Variants in DSP observed in about 807,000 individuals in gnomAD.
DSP encodes the protein 250/210 kDa paraneoplastic pemphigus antigen.
A neutral mutation model predicts 290.6 loss-of-function variants in DSP; 114 were observed. That is an observed-to-expected ratio of 0.39 (90% CI 0.34 to 0.46). DSP has a LOEUF of 0.46. Ranked by LOEUF, DSP falls within the 20% of genes least tolerant of loss-of-function variation. The pLI is 0.99. For synonymous variants in DSP, 1,311 were observed against 1,316.4 expected, an observed-to-expected ratio of 1.00 and a Z score of 0.09; for missense variants, 3,230 against 3,495.8, an observed-to-expected ratio of 0.92 and a Z score of 1.92.
At chr6:7,562,492 ATTAGCCAT>A in intron 4 of DSP, 152 bp from the exon 5 acceptor site, 1 of 1,267,946 alleles carries the variant, frequency 7.9e-7, no homozygotes, top group South Asian at 1.2e-5. Flanking sequence ...GCAACCCTGC[ATTAGCCAT>A]TTGGGAACCT....
intron 1 of DSP, among the ~76,000 whole-genome samples, chr6:7,545,154 T>C (rs956304137): frequency 9.2e-5 from 14 of 152,240 alleles, no homozygotes; most frequent in African/African-American, 3.4e-4. Context: ...GTGGTTATAA[T>C]ATTAATGCTT....
intron 4 of DSP, 109 bp downstream of exon 4, chr6:7,559,509 G>A: frequency 7.3e-7 from 1 of 1,366,930 alleles, no homozygotes; most frequent in Admixed American, 1.9e-5. Flanking sequence ...TCAGGTGGCG[G>A]CAGCAGCTTG....
intron 12 of DSP, 81 bp downstream of exon 12, chr6:7,569,421 A>C: frequency 1.3e-6 from 2 of 1,596,582 alleles, no homozygotes; most frequent in Non-Finnish European, 1.7e-6. Flanking sequence ...TTATACCTGA[A>C]GCTTAGACAC....
In DSP at chr6:7,583,714, G is replaced by C; in HGVS notation, c.6452G>C (p.Arg2151Pro). The C allele has an allele frequency of 6.2e-7, 1 of 1,614,004 alleles. No individual in the cohort carries two copies. Among genetic ancestry groups the C allele is most frequent in the Non-Finnish European group, 8.5e-7 (1 of 1,180,012 alleles). The change falls in exon 24 of 24, where the codon CGG becomes CCG. Residue 2151 changes from arginine to proline, a missense_variant. This residue lies in a region of DSP where 1,714 missense variants were observed against 1,844.5 expected (regional missense o/e 0.93). Coordinates refer to ENST00000379802, the MANE Select transcript of DSP (RefSeq NM_004415.4). The surrounding 1 kb of genome is among the most constrained non-coding windows in gnomAD (Gnocchi z 4.0). ...VFLPKDVALA[R>P]GLIDRDLYRS... The stretch of plus-strand genomic sequence containing the variant: ...TTGCCAAAAGATGTCGCCTTGGCCC[G>C]GGGGCTGATTGATAGAGATTTGTAT...
chr6:7,570,486 A>G lies in DSP; in HGVS notation c.1624A>G (p.Ile542Val), dbSNP rs2113677376. ...AILALWNQLY[I>V]NMKSLVSWHY... is the part of the protein sequence containing the mutation. ...CTTGGCTCTGTGGAACCAGCTCTAC[A>G]TCAACATGAAGAGCCTGGTGTCCTG... The change falls in exon 13 of 24, where the codon ATC becomes GTC. Residue 542 changes from isoleucine to valine, a missense_variant. By Grantham distance (29) the Ile-to-Val change is conservative (BLOSUM62 3). Coordinates refer to ENST00000379802, the MANE Select transcript of DSP (RefSeq NM_004415.4). 4 of 1,614,126 alleles carry G rather than the reference A, an allele frequency of 2.5e-6. No individual in the cohort carries two copies. The South Asian group carries it at 3.3e-5, about 13-fold the overall frequency.
chr6:7,551,744 C>T (rs1197865939), intron 1 of DSP, among the ~76,000 whole-genome samples: 1 of 152,126 alleles, frequency 6.6e-6, no homozygotes, highest in Non-Finnish European at 1.5e-5. Context: ...CCCGATGGGT[C>T]GAAATCATTT....
intron 5 of DSP, among the ~76,000 whole-genome samples, chr6:7,563,015 T>G (rs1424869828): frequency 2.0e-5 from 3 of 152,226 alleles, no homozygotes; most frequent in African/African-American, 7.2e-5. Context: ...AAACACTCAT[T>G]TGCAGTTTGT....
intron 21 of DSP, among the ~76,000 whole-genome samples, 175 bp downstream of exon 21, chr6:7,578,061 C>G (rs1249285816): frequency 2.6e-5 from 4 of 152,138 alleles, no homozygotes; most frequent in African/African-American, 9.7e-5. Flanking sequence ...TATGTGCCCT[C>G]CAGTGTGAGT....
intron 15 of DSP, among the ~76,000 whole-genome samples, chr6:7,572,394 T>C (rs976237130): frequency 6.6e-6 from 1 of 152,164 alleles, no homozygotes; most frequent in African/African-American, 2.4e-5. Context: ...GACATGACAC[T>C]GACATGAAGA....
chr6:7,567,206 C>A, intron 8 of DSP, 148 bp from the exon 9 acceptor site: 1 of 732,814 alleles, frequency 1.4e-6, no homozygotes, highest in South Asian at 1.5e-5. Flanking sequence ...GTGAGAAATT[C>A]TCTTTCCAAC....
In DSP at chr6:7,585,650, T is replaced by C. The variant is rs1478242707; in HGVS notation, c.8388T>C (p.Asp2796=). The C allele has an allele frequency of 6.2e-7, 1 of 1,614,190 alleles. No individual in the cohort carries two copies. Among genetic ancestry groups the C allele is most frequent in the Non-Finnish European group, 8.5e-7 (1 of 1,180,038 alleles). Residue 2796 remains aspartate (D), a synonymous_variant, in exon 24 of 24, where the codon GAT becomes GAC. Transcript: ENST00000379802. ...KDAINRSMVE[D]ITGLRLLEAA... ...CCATAAATCGCTCCATGGTAGAAGA[T>C]ATCACTGGGCTGCGCCTTCTGGAAG...
rs781136613 is a variant in DSP at position 7,584,940 on chromosome 6, A to G, written c.7678A>G (p.Met2560Val). The change falls in exon 24 of 24, where the codon ATG (methionine) becomes GTG (valine). Residue 2560 changes from methionine to valine, a missense_variant. By Grantham distance (21) the Met-to-Val change is conservative. Coordinates refer to ENST00000379802, the MANE Select transcript of DSP (RefSeq NM_004415.4). This position sits in a 1 kb window ranked among gnomAD's most constrained non-coding sequence, Gnocchi z 6.4. The part of the protein sequence containing the change: ...GSLSLTQFAD[M>V]ISLKNGVGTS... The stretch of plus-strand genomic sequence containing the variant: ...CCTCAGCCTCACTCAATTTGCTGAC[A>G]TGATCTCCTTGAAAAATGGTGTCGG... 2 of 1,614,186 alleles carry G rather than the reference A, an allele frequency of 1.2e-6. No individual in the cohort carries two copies. Among genetic ancestry groups the G allele is most frequent in the South Asian group, 1.1e-5 (1 of 91,082 alleles).
chr6:7,558,646 T>C (rs1758578727), intron 3 of DSP, among the ~76,000 whole-genome samples: 1 of 151,736 alleles, frequency 6.6e-6, no homozygotes. Context: ...TATCAAGTAG[T>C]TGGGCTATCG....
chr6:7,582,168 ATATC>A lies in DSP; in HGVS notation c.5380-470_5380-467del, dbSNP rs1434045159. ...TGTGTGTGTGTGTGTGTGTGTGTGT[ATATC>A]TATATATTATATATATAATTATATA... On this transcript the variant is annotated intron_variant, in intron 23 of 23. Transcript: ENST00000379802. The surrounding 1 kb of genome is among the most constrained non-coding windows in gnomAD (Gnocchi z 4.2). Among the ~76,000 whole-genome samples the A allele has an allele frequency of 1.4e-5, 2 of 140,556 alleles. No homozygotes were observed. The highest frequency in any genetic ancestry group is 3.1e-5 in the Non-Finnish European group (2 of 64,958). The allele number at this position is 140,556 out of a possible 152,430, so 92.2% of individuals were successfully genotyped here.
Position 7,582,888 on chromosome 6 carries a change from G to A in DSP, c.5626G>A (p.Glu1876Lys), listed in dbSNP as rs1252594295. 4 of 1,614,118 alleles carry A rather than the reference G, an allele frequency of 2.5e-6. No individual in the cohort carries two copies. In the South Asian group the frequency reaches 4.4e-5, roughly 18 times the overall value. The change falls in exon 24 of 24, where the codon GAG (glutamate) becomes AAG (lysine). Residue 1876 changes from glutamate to lysine, a missense_variant. Coordinates refer to ENST00000379802, the MANE Select transcript of DSP (RefSeq NM_004415.4). This position sits in a 1 kb window ranked among gnomAD's most constrained non-coding sequence, Gnocchi z 4.2. ...QWKTQYSRKE[E>K]AIRKIESERE... is the part of the protein sequence containing the mutation. ...GAAGACTCAATATTCCCGCAAGGAG[G>A]AGGCTATTAGGAAGATAGAATCGGA... is the stretch of plus-strand genomic sequence containing the variant.
chr6:7,560,471 T>C (rs916548468), intron 4 of DSP, among the ~76,000 whole-genome samples: 3 of 152,260 alleles, frequency 2.0e-5, no homozygotes, highest in African/African-American at 7.2e-5. Flanking sequence ...TCTATTTGTA[T>C]GTTTTTCAAA....
At chr6:7,569,664 G>A (rs1301939414) in intron 12 of DSP, among the ~76,000 whole-genome samples, 1 of 151,988 alleles carries the variant, frequency 6.6e-6, no homozygotes, top group African/African-American at 2.4e-5. Flanking sequence ...GAGAAACTCT[G>A]TCTCTACTAA....
At position 7,583,728 on chromosome 6, in the gene DSP, A is replaced by G. The variant is rs371355711; in HGVS notation, c.6466A>G (p.Arg2156Gly). The change falls in exon 24 of 24, where the codon AGA (arginine) becomes GGA (glycine). Residue 2156 changes from arginine (R) to glycine (G), a missense_variant. Coordinates refer to ENST00000379802, the MANE Select transcript of DSP (RefSeq NM_004415.4). This position sits in a 1 kb window ranked among gnomAD's most constrained non-coding sequence, Gnocchi z 4.0. Reference sequence around the variant, plus strand: ...CGCCTTGGCCCGGGGGCTGATTGATAGAGATTTGTATCGATCCCTGAATGA... The same window carrying G: ...CGCCTTGGCCCGGGGGCTGATTGATGGAGATTTGTATCGATCCCTGAATGA... ...DVALARGLID[R>G]DLYRSLNDPR... is the part of the protein sequence containing the mutation. 1 of 1,614,112 alleles carries G rather than the reference A, an allele frequency of 6.2e-7. No individual in the cohort carries two copies. Among genetic ancestry groups the G allele is most frequent in the South Asian group, 1.1e-5 (1 of 91,076 alleles).
rs766135334 is a variant in DSP at position 7,584,223 on chromosome 6, G to A, written c.6961G>A (p.Val2321Met). The A allele has an allele frequency of 2.5e-6, 4 of 1,614,190 alleles. No individual in the cohort carries two copies. The South Asian group carries it at 4.4e-5, about 18-fold the overall frequency. ...PVEEAYKRGL[V>M]GIEFKEKLLS... ...GGAGGAAGCCTACAAGAGAGGTCTG[G>A]TGGGCATTGAGTTCAAAGAGAAGCT... The change falls in exon 24 of 24, where the codon GTG (valine) becomes ATG (methionine). Residue 2321 changes from valine to methionine, a missense_variant. By Grantham distance (21) the Val-to-Met change is conservative (BLOSUM62 1). This residue lies in a region of DSP where 207 missense variants were observed against 281.2 expected (regional missense o/e 0.74). Coordinates refer to ENST00000379802, the MANE Select transcript of DSP (RefSeq NM_004415.4). The surrounding 1 kb of genome is among the most constrained non-coding windows in gnomAD (Gnocchi z 6.4).
Sources: gnomAD v4.1 joint callset for allele counts (sites outside exome capture counted in the v4.1 genomes callset) on GRCh38, gnomAD v4.1.1 for gene constraint, gnomAD v4.1.1 regional missense constraint, Gnocchi (gnomAD v3.1) non-coding constraint, MANE v1.5 for transcripts, NCBI Gene and HGNC (gene_info 2026-07-23, HGNC 2026-07-21) for gene names.